The following EOGT variants were observed in gnomAD, a reference collection of about 807,000 sequenced individuals.
EOGT encodes EGF domain specific O-linked N-acetylglucosamine transferase.
EOGT carries 55 observed loss-of-function variants against 70.5 expected under a neutral mutation model. The ratio of observed to expected loss-of-function variants is 0.78; its 90% CI spans 0.63 to 0.98. The LOEUF is 0.98. EOGT is among the 50% of genes least tolerant of loss of function. The pLI, the probability that EOGT is intolerant of heterozygous loss-of-function variation, is 0.00. For missense variants in EOGT, 703 were observed against 641.9 expected, an observed-to-expected ratio of 1.10 and a Z score of -1.03; for synonymous variants, 246 against 217.1, an observed-to-expected ratio of 1.13 and a Z score of -1.17.
chr3:68,987,968 G>A (rs969507391), intron 13 of EOGT: 19 of 369,992 alleles, frequency 5.1e-5, no homozygotes, highest in African/African-American at 3.6e-4. Context: ...AGGCGGGAGT[G>A]CAGTGACATG....
intron 15 of EOGT, among the ~76,000 whole-genome samples, chr3:68,980,936 C>T (rs1280623412): frequency 6.6e-6 from 1 of 152,196 alleles, no homozygotes; most frequent in Non-Finnish European, 1.5e-5. Flanking sequence ...CCTTAAAAGC[C>T]AGTCAATGAT....
intron 17 of EOGT, 122 bp downstream of exon 17, chr3:68,978,211 G>C: frequency 4.1e-6 from 3 of 725,362 alleles, no homozygotes; most frequent in Non-Finnish European, 7.0e-6. Context: ...AAACAATTCA[G>C]TATTCCAGAG....
intron 13 of EOGT, chr3:68,987,734 G>C (rs2090856815): frequency 1.8e-6 from 1 of 559,042 alleles, no homozygotes; most frequent in South Asian, 2.3e-5. Flanking sequence ...TTGTCTGTTT[G>C]GTTGGGTGGG....
chr3:68,982,636 G>A (rs2090682462), intron 15 of EOGT, 175 bp downstream of exon 15: 2 of 412,820 alleles, frequency 4.8e-6, no homozygotes, highest in South Asian at 1.0e-4. Flanking sequence ...AAGCCAAAGA[G>A]TAACTGCCCT....
chr3:68,988,740 T>C, intron 11 of EOGT, 163 bp from the exon 12 acceptor site: 1 of 651,654 alleles, frequency 1.5e-6, no homozygotes, highest in East Asian at 2.8e-5. Context: ...TTTGGAAAGA[T>C]TATAGAAAAA....
At chr3:69,010,643 T>G (rs1293523473) in intron 3 of EOGT, among the ~76,000 whole-genome samples, 1 of 152,194 alleles carries the variant, frequency 6.6e-6, no homozygotes, top group Non-Finnish European at 1.5e-5. Context: ...TCGAAAACTA[T>G]CTGGCACATG....
In EOGT at chr3:69,006,026, T is replaced by C. The variant is rs531782416; in HGVS notation, c.421-792A>G. Among the ~76,000 whole-genome samples, 5 of 152,294 alleles carry C rather than the reference T, an allele frequency of 3.3e-5. No individual in the cohort carries two copies. In the South Asian group the frequency reaches 1.0e-3, roughly 32 times the overall value. ...CATATGTTGAAATTCTAACCCCCAA[T>C]GTGATGATATTGTTTAGAAGCTACC... is the stretch of plus-strand genomic sequence containing the variant. On this transcript the variant is annotated intron_variant, in intron 6 of 17. Coordinates refer to ENST00000383701, the MANE Select transcript of EOGT (RefSeq NM_001278689.2).
rs772197697 is a variant in EOGT, at chr3:68,988,301, T to G, written c.1077A>C (p.Gly359=). 2 of 1,535,112 alleles carry G rather than the reference T, an allele frequency of 1.3e-6. No individual in the cohort carries two copies. The highest frequency in any genetic ancestry group is 2.4e-5 in the South Asian group (2 of 84,030). ...VLHRLNITQE[G]PKDGKIRVTI... ...TCCGCAGTGTATCCATTACCTTAGG[T>G]CCTTCTTGTGTGATGTTTAGTCTGT... The change falls in exon 13 of 18, where the codon GGA becomes GGC. Residue 359 remains glycine, a synonymous_variant. Coordinates refer to ENST00000383701, the MANE Select transcript of EOGT (RefSeq NM_001278689.2).
At chr3:68,987,608 A>G (rs2090853065) in intron 13 of EOGT, 95 bp from the exon 14 acceptor site, 1 of 898,994 alleles carries the variant, frequency 1.1e-6, no homozygotes, top group Non-Finnish European at 1.8e-6. Flanking sequence ...AAAGAGATGA[A>G]ACTCAACCAG....
chr3:68,988,941 G>C lies in EOGT; in HGVS notation c.908C>G (p.Thr303Ser). 7.2e-6 allele frequency: 11 copies of C among 1,524,886 alleles called. No individual in the cohort carries two copies. The highest frequency in any genetic ancestry group is 9.6e-6 in the Non-Finnish European group (11 of 1,140,044). 94.5% of individuals were successfully genotyped at this position (1,524,886 alleles called of 1,614,324 possible). The change falls in exon 11 of 18, where the codon ACT becomes AGT. Residue 303 changes from threonine to serine, a missense_variant. Thr to Ser is a moderately conservative substitution (Grantham distance 58, BLOSUM62 1). Transcript: ENST00000383701. ...TTCCAGTACCCTTTTGGAATCATAA[G>C]TTTTCAAATGTATAACGTCATAATC... ...FTDYDVIHLK[T>S]YDSKRVCFKE...
At chr3:68,989,119 AC>A in intron 10 of EOGT, 102 bp from the exon 11 acceptor site, 1 of 626,656 alleles carries the variant, frequency 1.6e-6, no homozygotes. Context: ...TTAAAAACTA[AC>A]AATCCTACGC....
chr3:69,007,044 T>C (rs2091453072), intron 6 of EOGT, among the ~76,000 whole-genome samples: 1 of 152,232 alleles, frequency 6.6e-6, no homozygotes, highest in Non-Finnish European at 1.5e-5. Flanking sequence ...TGGTGTTATA[T>C]CATCTGTCCC....
chr3:69,007,028 G>T (rs935111451), intron 6 of EOGT, among the ~76,000 whole-genome samples: 1 of 152,208 alleles, frequency 6.6e-6, no homozygotes. Context: ...ATATAGAGCA[G>T]TATGGTGGTG....
chr3:68,998,016 C>T lies in EOGT; in HGVS notation c.826G>A (p.Asp276Asn). Reference protein sequence around the residue: ...FSTDVYIVMWDTSSYGYGDLF... With the variant: ...FSTDVYIVMWNTSSYGYGDLF... ...GAGAGCACATTCTTACTTACGGTGT[C>T]CCACATCACGATGTACACGTCAGTA... The change falls in exon 10 of 18, where the codon GAC becomes AAC. Residue 276 changes from aspartate to asparagine, a missense_variant. Physicochemically the swap from Asp to Asn is conservative, Grantham distance 23 (BLOSUM62 1). Transcript: ENST00000383701. 6.5e-7 allele frequency: 1 copy of T among 1,531,352 alleles called. No homozygotes were observed. The highest frequency in any genetic ancestry group is 1.2e-5 in the South Asian group (1 of 82,796). 94.9% of individuals were successfully genotyped at this position (1,531,352 alleles called of 1,614,324 possible). A position where few individuals can be genotyped will look rare whatever the true frequency, so the allele number is the denominator to read the frequency against.
chr3:69,009,317 G>C (rs546710546), intron 4 of EOGT, among the ~76,000 whole-genome samples: 1 of 152,306 alleles, frequency 6.6e-6, no homozygotes, highest in Admixed American at 6.5e-5. Context: ...TAAGAAAGAA[G>C]AGGTGTGAAA....
At chr3:68,979,077 A>G (rs995897847) in intron 16 of EOGT, among the ~76,000 whole-genome samples, 2 of 152,214 alleles carry the variant, frequency 1.3e-5, no homozygotes, top group East Asian at 3.8e-4. Context: ...ATATTTAGAC[A>G]TAATGGGGGG....
intron 15 of EOGT, among the ~76,000 whole-genome samples, chr3:68,980,337 A>C (rs2107141200): frequency 6.6e-6 from 1 of 152,316 alleles, no homozygotes; most frequent in East Asian, 1.9e-4. Flanking sequence ...GGTACCTCCA[A>C]AATGATCTCA....
chr3:69,012,438 T>G (rs1342277344), intron 2 of EOGT, 77 bp downstream of exon 2: 7 of 152,344 alleles, frequency 4.6e-5, no homozygotes, highest in Non-Finnish European at 1.0e-4. Flanking sequence ...AATAAAGTCA[T>G]TGTTATGACC....
At chr3:69,004,532 C>T (rs2091389807) in intron 7 of EOGT, 50 bp from the exon 8 acceptor site, 2 of 1,286,608 alleles carry the variant, frequency 1.6e-6, no homozygotes, top group Admixed American at 3.4e-5. Context: ...TCTTCATGAC[C>T]CAAGCACGTG....
Sources: allele counts gnomAD v4.1 joint callset (sites outside exome capture counted in the v4.1 genomes callset), GRCh38; gene constraint gnomAD v4.1.1; transcripts MANE v1.5; gene names NCBI Gene and HGNC (gene_info 2026-07-23, HGNC 2026-07-21).